ACTN1: variants seen among roughly 807,000 people sequenced by gnomAD.
ACTN1 encodes actinin alpha 1.
Under a neutral mutation model 119.6 loss-of-function variants are expected in ACTN1, and 30 were observed. The observed-to-expected ratio is 0.25, with a 90% CI of 0.19 to 0.34. The LOEUF is 0.34. Ranked by LOEUF, ACTN1 falls within the 10% of genes least tolerant of loss-of-function variation. The pLI, the probability that ACTN1 is intolerant of heterozygous loss-of-function variation, is 1.00. For missense variants in ACTN1, 764 were observed against 1,223.4 expected (o/e 0.62, Z 5.60); for synonymous variants, 429 against 472.6 (o/e 0.91, Z 1.20).
chr14:68,905,341 T>C (rs1045527762), intron 6 of ACTN1, among the ~76,000 whole-genome samples: 3 of 152,188 alleles, frequency 2.0e-5, no homozygotes, highest in Admixed American at 2.0e-4. Flanking sequence ...CCTTGTGCGA[T>C]GAATGCAACA....
intron 1 of ACTN1, among the ~76,000 whole-genome samples, chr14:68,935,920 C>T (rs11851937): frequency 2.0e-5 from 3 of 152,310 alleles, no homozygotes; most frequent in Admixed American, 2.0e-4. Flanking sequence ...CCCACTCTCC[C>T]GGAATCAAAA....
chr14:68,917,873 C>T (rs2034396980), intron 3 of ACTN1, among the ~76,000 whole-genome samples: 1 of 151,994 alleles, frequency 6.6e-6, no homozygotes, highest in Non-Finnish European at 1.5e-5. Flanking sequence ...CAAGACCAGC[C>T]TGGCCAACAT....
At chr14:68,954,620 C>A (rs1185117461) in intron 1 of ACTN1, among the ~76,000 whole-genome samples, 1 of 152,180 alleles carries the variant, frequency 6.6e-6, no homozygotes, top group East Asian at 1.9e-4. Context: ...GCCACCACAC[C>A]CGGCCCATAC....
At position 68,877,196 on chromosome 14, in the gene ACTN1, G is replaced by T; in HGVS notation, c.2472C>A (p.Asn824Lys). Residue 824 changes from asparagine to lysine, a missense_variant, in exon 21 of 22, where the codon AAC (asparagine) becomes AAA (lysine). This residue lies in a region of ACTN1 where 544 missense variants were observed against 912.0 expected (regional missense o/e 0.60). Transcript: ENST00000394419. ...FARIMSIVDPNRLGVVTFQAF... is the reference protein window; with the variant it reads ...FARIMSIVDPKRLGVVTFQAF... ...CCTGGAATGTCACTACCCCCAGGCG[G>T]TTGGGGTCCACAATGCTCATGATGC... 1 of 1,614,208 alleles carries T rather than the reference G, an allele frequency of 6.2e-7. No individual in the cohort carries two copies. Among genetic ancestry groups the T allele is most frequent in the Non-Finnish European group, 8.5e-7 (1 of 1,180,042 alleles).
At position 68,885,584 on chromosome 14, in the gene ACTN1, A is replaced by T; in HGVS notation, c.1235-9T>A. The T allele has an allele frequency of 6.2e-7, 1 of 1,611,508 alleles. No homozygotes were observed. Among genetic ancestry groups the T allele is most frequent in the Non-Finnish European group, 8.5e-7 (1 of 1,179,846 alleles). On this transcript the variant is annotated splice_polypyrimidine_tract_variant and intron_variant, in intron 11 of 21. Coordinates refer to ENST00000394419, the MANE Select transcript of ACTN1 (RefSeq NM_001130004.2). This position sits in a 1 kb window ranked among gnomAD's most constrained non-coding sequence, Gnocchi z 5.6. ...CAGCATGGCCTCTTTGCCTGGGTTG[A>T]GAGAGGGCCACATGGCTGAGCTGGA...
Position 68,893,697 on chromosome 14 carries a change from C to T in ACTN1, c.813G>A (p.Glu271=). 6.2e-7 allele frequency: 1 copy of T among 1,614,150 alleles called. No individual in the cohort carries two copies. Among genetic ancestry groups the T allele is most frequent in the Admixed American group, 1.7e-5 (1 of 60,028 alleles). The stretch of plus-strand genomic sequence containing the variant: ...CGTAGTCTTCCATAAGCTGCTCGTT[C>T]TCCTGGTTGACGGCCAACACCTTGC... ...RICKVLAVNQ[E]NEQLMEDYEK... Residue 271 remains glutamate, a synonymous_variant, in exon 9 of 22, where the codon GAG becomes GAA. Coordinates refer to ENST00000394419, the MANE Select transcript of ACTN1 (RefSeq NM_001130004.2).
chr14:68,927,344 A>G (rs1288193246), intron 1 of ACTN1, among the ~76,000 whole-genome samples: 1 of 152,124 alleles, frequency 6.6e-6, no homozygotes, highest in Non-Finnish European at 1.5e-5. Flanking sequence ...TGTCAGCTCC[A>G]CACCCCCAGC....
intron 7 of ACTN1, 36 bp downstream of exon 7, chr14:68,904,619 G>T: frequency 6.3e-7 from 1 of 1,595,778 alleles, no homozygotes; most frequent in Non-Finnish European, 8.6e-7. Flanking sequence ...GCAGGTGGGC[G>T]ATGGGCAAGA....
intron 6 of ACTN1, among the ~76,000 whole-genome samples, chr14:68,906,967 A>T: frequency 6.6e-6 from 1 of 150,752 alleles, no homozygotes; most frequent in African/African-American, 2.4e-5. Context: ...CTACAAAAAA[A>T]TTACAATTAA....
chr14:68,893,435 G>C (rs1455052022), intron 9 of ACTN1, among the ~76,000 whole-genome samples: 3 of 152,322 alleles, frequency 2.0e-5, no homozygotes, highest in South Asian at 4.1e-4. Context: ...GAGAGGCAAA[G>C]GGATATCCTA....
chr14:68,883,298 C>CA, intron 14 of ACTN1: 2 of 500,150 alleles, frequency 4.0e-6, no homozygotes, highest in Non-Finnish European at 3.6e-6. Flanking sequence ...GTGTGTTCAC[C>CA]ACCTCACAGG....
chr14:68,899,170 T>TCACACCCTA (rs2033114287), intron 8 of ACTN1, among the ~76,000 whole-genome samples: 1 of 76,646 alleles, frequency 1.3e-5, no homozygotes, highest in East Asian at 4.4e-4. Context: ...CACACACACC[T>TCACACCCTA]CACACCCTAC....
intron 1 of ACTN1, among the ~76,000 whole-genome samples, chr14:68,926,630 C>T (rs1031027239): frequency 6.6e-6 from 1 of 152,228 alleles, no homozygotes; most frequent in Non-Finnish European, 1.5e-5. Context: ...TCACCCAACA[C>T]CAGAGCCATT....
chr14:68,922,834 G>A (rs989356785), intron 2 of ACTN1, among the ~76,000 whole-genome samples: 3 of 152,214 alleles, frequency 2.0e-5, no homozygotes, highest in Non-Finnish European at 4.4e-5. Context: ...CATTTTGACA[G>A]GCAATCCTGC....
intron 8 of ACTN1, among the ~76,000 whole-genome samples, chr14:68,901,250 T>G (rs1406393633): frequency 1.4e-4 from 8 of 56,158 alleles, no homozygotes; most frequent in African/African-American, 2.3e-4. Flanking sequence ...TTTTGTTTTG[T>G]TTTTTTTTTT....
intron 1 of ACTN1, among the ~76,000 whole-genome samples, chr14:68,929,672 T>C (rs3784138): frequency 0.19 from 28,838 of 152,048 alleles, 3,608 homozygotes; most frequent in East Asian, 0.65. Flanking sequence ...CACACTGGGA[T>C]GTTCCCGCAG....
At chr14:68,895,689 T>C (rs2032824139) in intron 8 of ACTN1, among the ~76,000 whole-genome samples, 1 of 152,254 alleles carries the variant, frequency 6.6e-6, no homozygotes, top group Non-Finnish European at 1.5e-5. Context: ...GCTGTGATTT[T>C]CATGGATAAA....
Position 68,882,700 on chromosome 14 carries a change from C to G in ACTN1, c.1819-108G>C. ...GGGGAAGGGCCGGTCAGTAACAGAACAGGAGTAAAGGTGTCAACCTGTTCT... is the reference window on the plus strand; with the variant it reads ...GGGGAAGGGCCGGTCAGTAACAGAAGAGGAGTAAAGGTGTCAACCTGTTCT... On this transcript the variant is annotated intron_variant, in intron 15 of 21. Transcript: ENST00000394419. The surrounding 1 kb of genome is among the most constrained non-coding windows in gnomAD (Gnocchi z 4.5). 1.3e-6 allele frequency: 2 copies of G among 1,550,058 alleles called. No homozygotes were observed. Among genetic ancestry groups the G allele is most frequent in the Non-Finnish European group, 1.8e-6 (2 of 1,139,170 alleles).
rs1133211 is a variant in ACTN1 at position 68,879,050 on chromosome 14, C to T, written c.2300G>A (p.Gly767Asp). The T allele has an allele frequency of 6.2e-7, 1 of 1,612,358 alleles. No homozygotes were observed. The highest frequency in any genetic ancestry group is 1.3e-5 in the African/African-American group (1 of 74,608). Residue 767 changes from glycine to aspartate, a missense_variant, in exon 19 of 22, where the codon GGT becomes GAT. Transcript: ENST00000394419. The surrounding 1 kb of genome is among the most constrained non-coding windows in gnomAD (Gnocchi z 4.9). ...HFDRDHSGTL[G>D]PEEFKACLIS... is the part of the protein sequence containing the mutation. ...GAGGCAGGCTTTGAACTCCTCGGGA[C>T]CCAGTGTGCCGGAGTGATCCTGGGG...
Sources: allele counts gnomAD v4.1 joint callset (sites outside exome capture counted in the v4.1 genomes callset), GRCh38; gene constraint gnomAD v4.1.1; regional missense constraint gnomAD v4.1.1; non-coding constraint Gnocchi (gnomAD v3.1); transcripts MANE v1.5; gene names NCBI Gene and HGNC (gene_info 2026-07-23, HGNC 2026-07-21).